The following COL25A1 variants were observed in gnomAD, a reference collection of about 807,000 sequenced individuals.
COL25A1 encodes the protein collagen alpha-1(XXV) chain.
In COL25A1, 103 loss-of-function variants were observed where a neutral mutation model predicts 128.4. The ratio of observed to expected loss-of-function variants is 0.80; its 90% CI spans 0.68 to 0.94. The LOEUF (loss-of-function observed/expected upper bound fraction) is 0.94. Among genes scored for constraint, COL25A1 ranks in the 40% least tolerant of loss-of-function variants. COL25A1 has a pLI of 0.00. For missense variants in COL25A1, 745 were observed against 840.0 expected (o/e 0.89, Z 1.40); for synonymous variants, 279 against 277.2 (o/e 1.01, Z -0.06).
intron 6 of COL25A1, among the ~76,000 whole-genome samples, chr4:109,001,539 A>T (rs557503552): frequency 1.4e-5 from 2 of 142,994 alleles, no homozygotes; most frequent in South Asian, 4.5e-4. Flanking sequence ...ACTGGGATGA[A>T]GAGTATAAGG....
intron 3 of COL25A1, among the ~76,000 whole-genome samples, chr4:109,240,770 T>C (rs992600201): frequency 2.7e-4 from 41 of 152,218 alleles, no homozygotes; most frequent in African/African-American, 9.9e-4. Flanking sequence ...CTTCATCTTC[T>C]TAAGTGACCT....
intron 3 of COL25A1, among the ~76,000 whole-genome samples, chr4:109,148,470 G>A (rs974829370): frequency 1.3e-5 from 2 of 152,012 alleles, no homozygotes. Context: ...ATCCCACCAG[G>A]TACCCAAATT....
intron 6 of COL25A1, among the ~76,000 whole-genome samples, chr4:108,975,101 T>C (rs961740490): frequency 2.6e-5 from 4 of 152,356 alleles, no homozygotes; most frequent in Admixed American, 6.5e-5. Flanking sequence ...ATCATTTACT[T>C]ATTCATTCTA....
At chr4:108,965,981 A>G (rs1424761064) in intron 8 of COL25A1, among the ~76,000 whole-genome samples, 3 of 152,212 alleles carry the variant, frequency 2.0e-5, no homozygotes, top group African/African-American at 7.2e-5. Context: ...CTTGATATGC[A>G]ATTTTCTTTT....
intron 3 of COL25A1, among the ~76,000 whole-genome samples, chr4:109,076,327 T>A (rs1763370750): frequency 6.6e-6 from 1 of 152,198 alleles, no homozygotes; most frequent in Admixed American, 6.5e-5. Context: ...AAATTAACTC[T>A]CTCTTTAAGA....
intron 3 of COL25A1, among the ~76,000 whole-genome samples, chr4:109,293,221 A>G (rs1012097869): frequency 6.6e-6 from 1 of 152,066 alleles, no homozygotes. Flanking sequence ...ACAAAGCTAT[A>G]ACAGAGAATT....
intron 3 of COL25A1, among the ~76,000 whole-genome samples, chr4:109,183,979 A>C (rs550741203): frequency 6.6e-6 from 1 of 152,096 alleles, no homozygotes; most frequent in South Asian, 2.1e-4. Flanking sequence ...GTCCTTTCAC[A>C]ACTCTCTTTG....
rs544048145 is a variant in COL25A1 at position 109,036,763 on chromosome 4, A to G, written c.420+11405T>C. On this transcript the variant is annotated intron_variant, in intron 5 of 37. Coordinates refer to ENST00000399132, the MANE Select transcript of COL25A1 (RefSeq NM_198721.4). ...AGGCTACATATGGTGAAAGATATAT[A>G]CATTCAGTCATTACCACAGAAGGGT... 2.6e-5 allele frequency among the ~76,000 whole-genome samples: 4 copies of G among 152,336 alleles called. No individual in the cohort carries two copies. In the South Asian group the frequency reaches 6.2e-4, roughly 24 times the overall value.
At chr4:109,220,855 G>A (rs1229136910) in intron 3 of COL25A1, among the ~76,000 whole-genome samples, 5 of 151,902 alleles carry the variant, frequency 3.3e-5, no homozygotes, top group Non-Finnish European at 7.4e-5. Flanking sequence ...TGCTTATGAG[G>A]TTTCTGCATT....
chr4:108,911,874 T>C (rs943645399), intron 13 of COL25A1, among the ~76,000 whole-genome samples: 4 of 144,000 alleles, frequency 2.8e-5, no homozygotes, highest in African/African-American at 1.0e-4. Context: ...CTCTCAGCAA[T>C]CCCAATCGTT....
chr4:109,044,397 C>CT (rs1184520484), intron 5 of COL25A1, among the ~76,000 whole-genome samples: 1 of 151,168 alleles, frequency 6.6e-6, no homozygotes, highest in Non-Finnish European at 1.5e-5. Flanking sequence ...TAATACTTTT[C>CT]TTTTTTGTTT....
intron 36 of COL25A1, among the ~76,000 whole-genome samples, chr4:108,818,532 A>T (rs1731460165): frequency 6.6e-6 from 1 of 152,184 alleles, no homozygotes; most frequent in East Asian, 1.9e-4. Context: ...GATTGGTACA[A>T]GGAGAAGGTT....
intron 3 of COL25A1, among the ~76,000 whole-genome samples, chr4:109,210,863 C>G (rs904835679): frequency 3.3e-5 from 5 of 152,074 alleles, no homozygotes; most frequent in Non-Finnish European, 5.9e-5. Flanking sequence ...AAATTATTCC[C>G]TTTGCAGCAA....
At chr4:108,863,110 C>A (rs973328345) in intron 21 of COL25A1, among the ~76,000 whole-genome samples, 1 of 152,112 alleles carries the variant, frequency 6.6e-6, no homozygotes, top group African/African-American at 2.4e-5. Flanking sequence ...TTTGGATATG[C>A]TATCAATTTG....
At chr4:109,152,002 G>T (rs966334292) in intron 3 of COL25A1, among the ~76,000 whole-genome samples, 1 of 151,712 alleles carries the variant, frequency 6.6e-6, no homozygotes, top group Non-Finnish European at 1.5e-5. Flanking sequence ...TCCTAATGAT[G>T]TTCCTAGATG....
In COL25A1 at chr4:108,835,925, G is replaced by A. The variant is rs1024175123; in HGVS notation, c.1657-3492C>T. Among the ~76,000 whole-genome samples the A allele has an allele frequency of 2.3e-5, 3 of 132,756 alleles. No homozygotes were observed. In the East Asian group the frequency reaches 6.4e-4, roughly 29 times the overall value. The allele number at this position is 132,756 out of a possible 152,430, so 87.1% of individuals were successfully genotyped here. On this transcript the variant is annotated intron_variant, in intron 31 of 37. Coordinates refer to ENST00000399132, the MANE Select transcript of COL25A1 (RefSeq NM_198721.4). ...CTCGCTCTGTTGCCCGGGCTGGAGT[G>A]CAGTGGCGCGATCTCAGTTCACTGC...
intron 19 of COL25A1, among the ~76,000 whole-genome samples, chr4:108,881,274 G>T (rs1341506043): frequency 6.6e-6 from 1 of 152,100 alleles, no homozygotes; most frequent in South Asian, 2.1e-4. Flanking sequence ...TAGGCACTTG[G>T]CTCATTTCCT....
At chr4:109,253,937 A>C (rs1278319143) in intron 3 of COL25A1, among the ~76,000 whole-genome samples, 1 of 152,040 alleles carries the variant, frequency 6.6e-6, no homozygotes, top group Non-Finnish European at 1.5e-5. Flanking sequence ...AATACAAAAA[A>C]TTATCCCGGT....
chr4:109,089,895 A>C (rs994544808), intron 3 of COL25A1, among the ~76,000 whole-genome samples: 2 of 151,636 alleles, frequency 1.3e-5, no homozygotes, highest in Non-Finnish European at 2.9e-5. Context: ...GTGAGCCACC[A>C]CGCCCAGCTA....
Sources: allele counts gnomAD v4.1 joint callset (sites outside exome capture counted in the v4.1 genomes callset), GRCh38; gene constraint gnomAD v4.1.1; transcripts MANE v1.5; gene names NCBI Gene and HGNC (gene_info 2026-07-23, HGNC 2026-07-21).